The following PHYHIPL variants were observed in gnomAD, a reference collection of about 807,000 sequenced individuals.
PHYHIPL encodes the protein phytanoyl-CoA 2-hydroxylase interacting protein like.
A neutral mutation model predicts 33.4 loss-of-function variants in PHYHIPL; 9 were observed. The ratio of observed to expected loss-of-function variants is 0.27; its 90% confidence interval spans 0.16 to 0.47. The LOEUF (loss-of-function observed/expected upper bound fraction) is 0.47. Ranked by LOEUF, PHYHIPL falls within the 20% of genes least tolerant of loss-of-function variation. PHYHIPL has a pLI of 0.99. For synonymous variants in PHYHIPL, 153 were observed against 154.1 expected, an observed-to-expected ratio of 0.99 and a Z score of 0.05; for missense variants, 365 against 460.7, an observed-to-expected ratio of 0.79 and a Z score of 1.90.
chr10:59,215,960 A>C (rs1839603203), intron 1 of PHYHIPL, among the ~76,000 whole-genome samples: 1 of 152,062 alleles, frequency 6.6e-6, no homozygotes, highest in African/African-American at 2.4e-5. Flanking sequence ...TGAAGTACAG[A>C]AATACTAGGT....
In PHYHIPL at chr10:59,247,492, G is replaced by T. The variant is rs1295164152; in HGVS notation, c.*1901G>T. 1 of 1,205,650 alleles carries T rather than the reference G, an allele frequency of 8.3e-7. No individual in the cohort carries two copies. The highest frequency in any genetic ancestry group is 1.2e-6 in the Non-Finnish European group (1 of 836,038). 74.7% of individuals were successfully genotyped at this position (1,205,650 alleles called of 1,614,324 possible). A position where few individuals can be genotyped will look rare whatever the true frequency, so the allele number is the denominator to read the frequency against. ...AACTTGCTATTCCTTCTTAAAAACA[G>T]CTAATACTACCACTAAAGTGCTTCC... On this transcript the variant is annotated 3_prime_UTR_variant, in exon 5 of 5. Coordinates refer to ENST00000373880, the MANE Select transcript of PHYHIPL (RefSeq NM_032439.4).
chr10:59,184,398 C>A (rs1386654496), intron 1 of PHYHIPL, among the ~76,000 whole-genome samples: 3 of 152,180 alleles, frequency 2.0e-5, no homozygotes, highest in African/African-American at 7.2e-5. Flanking sequence ...ATGAGTTAAT[C>A]TCTCTTGATA....
chr10:59,174,264 C>T (rs1042316421), upstream of PHYHIPL, among the ~76,000 whole-genome samples: 6 of 151,962 alleles, frequency 3.9e-5, no homozygotes, highest in Admixed American at 1.3e-4. Flanking sequence ...CGTAATTCTC[C>T]AAGCCAAAGA....
upstream of PHYHIPL, chr10:59,176,490 G>A (rs536217508): frequency 6.2e-5 from 10 of 160,708 alleles, no homozygotes; most frequent in East Asian, 1.6e-3. Flanking sequence ...CAGAAGGGCG[G>A]GGGAGGGACC....
At chr10:59,234,124 T>C (rs747212869) in intron 1 of PHYHIPL, among the ~76,000 whole-genome samples, 180 bp from the exon 2 acceptor site, 1 of 151,770 alleles carries the variant, frequency 6.6e-6, no homozygotes, top group Non-Finnish European at 1.5e-5. Context: ...ATTAGAAAGA[T>C]AGAGTGTCAG....
At chr10:59,206,817 C>A in intron 1 of PHYHIPL, 2 of 1,210,202 alleles carry the variant, frequency 1.7e-6, no homozygotes, top group South Asian at 1.5e-5. Flanking sequence ...TGGTTCATGG[C>A]AAGTTATTAC....
intron 1 of PHYHIPL, among the ~76,000 whole-genome samples, chr10:59,231,719 C>T (rs12413018): frequency 0.22 from 33,207 of 151,952 alleles, 4,930 homozygotes; most frequent in African/African-American, 0.41. Flanking sequence ...ATAGATCTTA[C>T]AAATCTATCT....
At chr10:59,173,696 G>A (rs1446249340), upstream of PHYHIPL, among the ~76,000 whole-genome samples, 3 of 152,074 alleles carry the variant, frequency 2.0e-5, no homozygotes, top group African/African-American at 7.2e-5. Context: ...AGTTAAACAA[G>A]GTAGGTAAGA....
At chr10:59,195,336 G>T (rs1227576276) in intron 1 of PHYHIPL, among the ~76,000 whole-genome samples, 1 of 152,222 alleles carries the variant, frequency 6.6e-6, no homozygotes, top group Non-Finnish European at 1.5e-5. Context: ...AATATAAGCT[G>T]TGCATGACGT....
At chr10:59,191,697 G>A (rs1838788267) in intron 1 of PHYHIPL, among the ~76,000 whole-genome samples, 1 of 151,826 alleles carries the variant, frequency 6.6e-6, no homozygotes, top group South Asian at 2.1e-4. Flanking sequence ...TGCCACTGTG[G>A]TCAATATATG....
At chr10:59,197,755 C>T (rs965356106) in intron 1 of PHYHIPL, among the ~76,000 whole-genome samples, 3 of 152,286 alleles carry the variant, frequency 2.0e-5, no homozygotes, top group Non-Finnish European at 2.9e-5. Flanking sequence ...AATTCCAGGG[C>T]CTACTTTCCT....
chr10:59,197,814 T>C (rs553842048), intron 1 of PHYHIPL, among the ~76,000 whole-genome samples: 9 of 152,312 alleles, frequency 5.9e-5, no homozygotes, highest in Non-Finnish European at 8.8e-5. Context: ...GACATCTACC[T>C]TATCTCCAAA....
chr10:59,202,925 G>T (rs1408019378), intron 1 of PHYHIPL, among the ~76,000 whole-genome samples: 1 of 151,964 alleles, frequency 6.6e-6, no homozygotes, highest in East Asian at 1.9e-4. Context: ...CTACTATGTA[G>T]ACATAATAAT....
Position 59,245,568 on chromosome 10 carries a change from TGTAA to T in PHYHIPL, c.1109_1112del (p.Cys370LeufsTer38), listed in dbSNP as rs1394051471. Reference sequence around the variant, plus strand: ...AAAGAAAGATCCCAGCTGCAAAACCTGTAATATCAGTGTTGGACGTTAATGCCCA... The same window carrying T: ...AAAGAAAGATCCCAGCTGCAAAACCTTATCAGTGTTGGACGTTAATGCCCA... On this transcript the variant is annotated frameshift_variant, in exon 5 of 5. Coordinates refer to ENST00000373880, the MANE Select transcript of PHYHIPL (RefSeq NM_032439.4). LOFTEE classifies it high-confidence loss of function. 1 of 1,607,374 alleles carries T rather than the reference TGTAA, an allele frequency of 6.2e-7. No individual in the cohort carries two copies. The highest frequency in any genetic ancestry group is 1.7e-5 in the Admixed American group (1 of 59,050).
chr10:59,234,198 G>A, intron 1 of PHYHIPL, 106 bp from the exon 2 acceptor site: 4 of 851,648 alleles, frequency 4.7e-6, no homozygotes, highest in Non-Finnish European at 7.1e-6. Context: ...AAGATGATAA[G>A]GAGTAAGTCA....
chr10:59,240,340 TC>T (rs918466877), intron 4 of PHYHIPL, among the ~76,000 whole-genome samples: 1 of 151,984 alleles, frequency 6.6e-6, no homozygotes, highest in Non-Finnish European at 1.5e-5. Context: ...TGGGGTTATG[TC>T]CTGTTAAACC....
intron 2 of PHYHIPL, among the ~76,000 whole-genome samples, chr10:59,235,924 A>G (rs1329496758): frequency 6.6e-6 from 1 of 151,972 alleles, no homozygotes; most frequent in Non-Finnish European, 1.5e-5. Flanking sequence ...AATATCAAGT[A>G]ATGGGCAGCT....
intron 1 of PHYHIPL, among the ~76,000 whole-genome samples, chr10:59,195,699 A>G (rs1838892717): frequency 6.6e-6 from 1 of 152,268 alleles, no homozygotes; most frequent in Admixed American, 6.5e-5. Context: ...TTAGGGTACC[A>G]TGTCTCGAAA....
intron 4 of PHYHIPL, among the ~76,000 whole-genome samples, chr10:59,239,511 G>A (rs1840328702): frequency 6.6e-6 from 1 of 151,980 alleles, no homozygotes. Context: ...TTTGGGTGGG[G>A]ACACAGCCAA....
Sources: gnomAD v4.1 joint callset for allele counts (sites outside exome capture counted in the v4.1 genomes callset) on GRCh38, gnomAD v4.1.1 for gene constraint, MANE v1.5 for transcripts, NCBI Gene and HGNC (gene_info 2026-07-23, HGNC 2026-07-21) for gene names.